Variants in MAPK9 observed in about 807,000 individuals in gnomAD.
The protein encoded by MAPK9 is mitogen-activated protein kinase 9.
A neutral mutation model predicts 57.1 loss-of-function variants in MAPK9; 30 were observed. That is an observed-to-expected ratio of 0.53 (90% CI 0.39 to 0.71). The LOEUF (loss-of-function observed/expected upper bound fraction) is 0.71, where lower values mean the gene tolerates loss of function less well. Among genes scored for constraint, MAPK9 ranks in the 30% least tolerant of loss-of-function variants. The pLI is 0.00. For synonymous variants in MAPK9, 155 were observed against 177.0 expected (o/e 0.88, Z 0.99); for missense variants, 362 against 521.0 (o/e 0.69, Z 2.97).
Position 180,234,756 on chromosome 5 carries a change from G to T in MAPK9, c.*1628C>A, listed in dbSNP as rs1195540637. 1 of 152,088 alleles carries T rather than the reference G, an allele frequency of 6.6e-6. No homozygotes were observed. Among genetic ancestry groups the T allele is most frequent in the East Asian group, 1.9e-4 (1 of 5,190 alleles). The allele number at this position is 152,088 out of a possible 1,614,324, so 9.4% of individuals were successfully genotyped here. ...AGTGTCCAAATGACACAATATAAAA[G>T]AACTATTTCTTATTTCAATATTAAT... is the stretch of plus-strand genomic sequence containing the variant. On this transcript the variant is annotated 3_prime_UTR_variant, in exon 12 of 12. Coordinates refer to ENST00000452135, the MANE Select transcript of MAPK9 (RefSeq NM_002752.5).
At position 180,239,961 on chromosome 5, in the gene MAPK9, C is replaced by T. The variant is rs868146567; in HGVS notation, c.1023G>A (p.Gln341=). ...CAATTGCATGTTCTCTTTCTTCCAACTGGGCATCATAAATTTGAGGTGGTG... is the reference window on the plus strand; with the variant it reads ...CAATTGCATGTTCTCTTTCTTCCAATTGGGCATCATAAATTTGAGGTGGTG... ...EAPPPQIYDA[Q]LEEREHAIEE... is the part of the protein sequence containing the mutation. The change falls in exon 10 of 12, where the codon CAG becomes CAA. Residue 341 remains glutamine (Q), a synonymous_variant. Transcript: ENST00000452135. The T allele has an allele frequency of 6.2e-7, 1 of 1,613,630 alleles. No individual in the cohort carries two copies. The highest frequency in any genetic ancestry group is 1.7e-4 in the Middle Eastern group (1 of 6,060).
At chr5:180,237,434 T>G (rs1757260941) in intron 11 of MAPK9, 1 of 152,194 alleles carries the variant, frequency 6.6e-6, no homozygotes, top group Non-Finnish European at 1.5e-5. Context: ...ACGACTCATA[T>G]CAGAGTCTCA....
chr5:180,249,068 C>T lies in MAPK9; in HGVS notation c.521G>A (p.Arg174Gln). 1.2e-6 allele frequency: 2 copies of T among 1,614,006 alleles called. No homozygotes were observed. The highest frequency in any genetic ancestry group is 1.7e-6 in the Non-Finnish European group (2 of 1,179,936). ...CATCATGAAGTTAGTGCACGCTGTC[C>T]GGGCCAGGCCAAAGTCAAGGATCTT... ...TLKILDFGLA[R>Q]TACTNFMMTP... The change falls in exon 6 of 12, where the codon CGG (arginine) becomes CAG (glutamine). Residue 174 changes from arginine (R) to glutamine (Q), a missense_variant. By Grantham distance (43) the Arg-to-Gln change is conservative. This residue lies in a region of MAPK9 where 127 missense variants were observed against 231.7 expected (regional missense o/e 0.55). Coordinates refer to ENST00000452135, the MANE Select transcript of MAPK9 (RefSeq NM_002752.5).
chr5:180,280,812 G>C (rs984644974), intron 1 of MAPK9, among the ~76,000 whole-genome samples: 1 of 152,196 alleles, frequency 6.6e-6, no homozygotes, highest in Non-Finnish European at 1.5e-5. Flanking sequence ...AAGGAATTTT[G>C]AGGCCCAGCA....
chr5:180,240,321 A>G (rs1757541034), intron 9 of MAPK9, among the ~76,000 whole-genome samples: 1 of 152,218 alleles, frequency 6.6e-6, no homozygotes, highest in Non-Finnish European at 1.5e-5. Flanking sequence ...GCTGGCAGCT[A>G]TGGAAGGTAC....
chr5:180,239,222 G>A (rs927607223), intron 10 of MAPK9, among the ~76,000 whole-genome samples: 2 of 152,230 alleles, frequency 1.3e-5, no homozygotes, highest in Non-Finnish European at 2.9e-5. Flanking sequence ...TACGAAGTAA[G>A]TGATGAGGGA....
rs1757775766 is a variant in MAPK9 at position 180,242,872 on chromosome 5, C to A, written c.689-117G>T. Reference sequence around the variant, plus strand: ...CTAGGCCACCCCACTGGATCAGCAGCGGAATTTTGAAATAATATTCAAATA... The same window carrying A: ...CTAGGCCACCCCACTGGATCAGCAGAGGAATTTTGAAATAATATTCAAATA... On this transcript the variant is annotated intron_variant, in intron 7 of 11. Coordinates refer to ENST00000452135, the MANE Select transcript of MAPK9 (RefSeq NM_002752.5). The A allele has an allele frequency of 4.3e-6, 3 of 689,676 alleles. No homozygotes were observed. The East Asian group carries it at 8.3e-5, about 19-fold the overall frequency. 42.7% of individuals were successfully genotyped at this position (689,676 alleles called of 1,614,324 possible). A position where few individuals can be genotyped will look rare whatever the true frequency, so the allele number is the denominator to read the frequency against.
intron 2 of MAPK9, chr5:180,279,683 C>CA (rs891702651): frequency 2.8e-4 from 95 of 338,696 alleles, no homozygotes; most frequent in South Asian, 4.0e-4. Context: ...TTTCATTGAC[C>CA]AAAAAAAAAG....
intron 1 of MAPK9, among the ~76,000 whole-genome samples, chr5:180,291,335 C>T (rs1408302655): frequency 6.6e-6 from 1 of 151,944 alleles, no homozygotes; most frequent in Admixed American, 6.6e-5. Flanking sequence ...GGAGGGGGTT[C>T]CTACACCACT....
In MAPK9 at chr5:180,266,655, G is replaced by A. The variant is rs576809983; in HGVS notation, c.253-1816C>T. On this transcript the variant is annotated intron_variant, in intron 3 of 11. Transcript: ENST00000452135. ...TTTTTAGGAGATGGGGTCTTGTTTTGTTGCCCAGGTGTGCCTTAAACTCCT... is the reference window on the plus strand; with the variant it reads ...TTTTTAGGAGATGGGGTCTTGTTTTATTGCCCAGGTGTGCCTTAAACTCCT... 8.0e-5 allele frequency among the ~76,000 whole-genome samples: 12 copies of A among 150,902 alleles called. 1 individual carries two copies. The South Asian group carries it at 2.5e-3, about 32-fold the overall frequency.
intron 5 of MAPK9, among the ~76,000 whole-genome samples, chr5:180,257,248 C>A (rs34369127): frequency 2.0e-5 from 3 of 152,188 alleles, no homozygotes; most frequent in Non-Finnish European, 2.9e-5. Context: ...GGCTCTACCC[C>A]CAAGGGAGGC....
chr5:180,287,442 G>A (rs1030253728), intron 1 of MAPK9, among the ~76,000 whole-genome samples: 6 of 152,208 alleles, frequency 3.9e-5, no homozygotes, highest in Admixed American at 2.0e-4. Context: ...TTTGTTGAAA[G>A]TGTGCAGTGA....
intron 1 of MAPK9, among the ~76,000 whole-genome samples, chr5:180,289,801 TA>T (rs1246796881): frequency 1.3e-5 from 2 of 151,648 alleles, no homozygotes; most frequent in Admixed American, 6.6e-5. Context: ...CTCACAGCAT[TA>T]AAAAAAAATT....
chr5:180,248,908 A>T lies in MAPK9; in HGVS notation c.616+65T>A, dbSNP rs1032849083. The T allele has an allele frequency of 3.1e-5, 46 of 1,506,600 alleles. No homozygotes were observed. The African/African-American group carries it at 5.7e-4, about 19-fold the overall frequency. 93.3% of individuals were successfully genotyped at this position (1,506,600 alleles called of 1,614,324 possible). On this transcript the variant is annotated intron_variant, in intron 6 of 11. Transcript: ENST00000452135. ...ATATGGTTCAAAGGAAAGAGAAAAAACTCGAGACCACCGCTAGAGCAATTT... is the reference window on the plus strand; with the variant it reads ...ATATGGTTCAAAGGAAAGAGAAAAATCTCGAGACCACCGCTAGAGCAATTT...
At chr5:180,253,329 G>T (rs1233102118) in intron 5 of MAPK9, among the ~76,000 whole-genome samples, 2 of 152,212 alleles carry the variant, frequency 1.3e-5, no homozygotes, top group African/African-American at 4.8e-5. Flanking sequence ...AACCCACCGT[G>T]GCATGCGGAA....
intron 2 of MAPK9, chr5:180,279,808 C>T (rs1015838768): frequency 5.5e-5 from 25 of 456,256 alleles, no homozygotes; most frequent in Admixed American, 5.2e-4. Flanking sequence ...TGAGCTGGCC[C>T]GTGATGCTGC....
chr5:180,270,200 C>T (rs1054393161), intron 2 of MAPK9, among the ~76,000 whole-genome samples: 7 of 152,124 alleles, frequency 4.6e-5, no homozygotes, highest in African/African-American at 1.7e-4. Flanking sequence ...TACTAAAGGC[C>T]ACCTGAGAAC....
At chr5:180,270,032 T>C (rs772551550) in intron 2 of MAPK9, among the ~76,000 whole-genome samples, 47 of 152,354 alleles carry the variant, frequency 3.1e-4, no homozygotes, top group Non-Finnish European at 2.9e-4. Flanking sequence ...CAGGCTGTGT[T>C]TCCAGCATCT....
At chr5:180,274,254 A>G (rs921774801) in intron 2 of MAPK9, among the ~76,000 whole-genome samples, 1 of 152,238 alleles carries the variant, frequency 6.6e-6, no homozygotes, top group Non-Finnish European at 1.5e-5. Flanking sequence ...CTAGTATATA[A>G]ATATGCAATT....
Sources: gnomAD v4.1 joint callset for allele counts (sites outside exome capture counted in the v4.1 genomes callset) on GRCh38, gnomAD v4.1.1 for gene constraint, gnomAD v4.1.1 regional missense constraint, MANE v1.5 for transcripts, NCBI Gene and HGNC (gene_info 2026-07-23, HGNC 2026-07-21) for gene names.